The following CYB5R4 variants were observed in gnomAD, a reference collection of about 807,000 sequenced individuals.
CYB5R4 encodes cytochrome b5 reductase 4.
In CYB5R4, 55 loss-of-function variants were observed where a neutral mutation model predicts 70.2. The observed-to-expected ratio is 0.78, with a 90% CI of 0.63 to 0.98. The LOEUF (loss-of-function observed/expected upper bound fraction) is 0.98. Ranked by LOEUF, CYB5R4 falls within the 50% of genes least tolerant of loss-of-function variation. CYB5R4 has a pLI of 0.00. For synonymous variants in CYB5R4, 197 were observed against 199.5 expected, an observed-to-expected ratio of 0.99 and a Z score of 0.11; for missense variants, 562 against 612.6, an observed-to-expected ratio of 0.92 and a Z score of 0.87.
In CYB5R4 at chr6:83,922,441, T is replaced by C; in HGVS notation, c.662T>C (p.Leu221Pro). The C allele has an allele frequency of 6.2e-7, 1 of 1,613,294 alleles. No homozygotes were observed. Among genetic ancestry groups the C allele is most frequent in the Non-Finnish European group, 8.5e-7 (1 of 1,179,542 alleles). Reference sequence around the variant, plus strand: ...TAAATAAATTTGTCTGTCCTAGGGCTAAGCCATGAGGTTCAGGAAGATTTT... The same window carrying C: ...TAAATAAATTTGTCTGTCCTAGGGCCAAGCCATGAGGTTCAGGAAGATTTT... ...KDCLYLIHIG[L>P]SHEVQEDFSV... The change falls in exon 9 of 16, where the codon CTA becomes CCA. Residue 221 changes from leucine to proline, a missense_variant. Physicochemically the swap from Leu to Pro is moderately conservative, Grantham distance 98. Transcript: ENST00000369681.
chr6:83,918,314 AT>A (rs2099465823), intron 6 of CYB5R4, among the ~76,000 whole-genome samples: 1 of 152,040 alleles, frequency 6.6e-6, no homozygotes, highest in South Asian at 2.1e-4. Flanking sequence ...ATTCTAAAAT[AT>A]TTTTCTGATT....
At chr6:83,955,203 G>C in intron 14 of CYB5R4, 95 bp from the exon 15 acceptor site, 1 of 1,002,288 alleles carries the variant, frequency 1.0e-6, no homozygotes, top group Non-Finnish European at 1.4e-6. Context: ...ATATTAAATT[G>C]TTCCTTTAGG....
At chr6:83,924,660 C>G in intron 10 of CYB5R4, 68 bp downstream of exon 10, 6 of 1,541,562 alleles carry the variant, frequency 3.9e-6, no homozygotes, top group Non-Finnish European at 5.3e-6. Flanking sequence ...ACAGTTGTAC[C>G]AGAGTTTGGA....
chr6:83,924,671 A>C, intron 10 of CYB5R4, 79 bp downstream of exon 10: 2 of 1,493,796 alleles, frequency 1.3e-6, no homozygotes, highest in Non-Finnish European at 1.8e-6. Context: ...AGAGTTTGGA[A>C]GGCTGCTTTG....
At chr6:83,869,128 G>A (rs1360379645) in intron 2 of CYB5R4, among the ~76,000 whole-genome samples, 1 of 152,168 alleles carries the variant, frequency 6.6e-6, no homozygotes, top group Non-Finnish European at 1.5e-5. Flanking sequence ...TGATGCCACT[G>A]CAAAAGTGGC....
At chr6:83,899,026 C>A (rs571529385) in intron 3 of CYB5R4, among the ~76,000 whole-genome samples, 1 of 152,112 alleles carries the variant, frequency 6.6e-6, no homozygotes, top group South Asian at 2.1e-4. Flanking sequence ...TGAGAGAGGG[C>A]GTCCCTGTGT....
intron 10 of CYB5R4, among the ~76,000 whole-genome samples, chr6:83,931,623 G>C (rs12194815): frequency 1.1e-4 from 17 of 151,768 alleles, no homozygotes; most frequent in Non-Finnish European, 2.5e-4. Context: ...AGGTATTTGG[G>C]GCAGTAATGT....
intron 3 of CYB5R4, among the ~76,000 whole-genome samples, chr6:83,908,112 C>G (rs1160656947): frequency 6.6e-6 from 1 of 152,088 alleles, no homozygotes; most frequent in East Asian, 1.9e-4. Flanking sequence ...TATAAACATC[C>G]TCTTTTCTCC....
intron 2 of CYB5R4, among the ~76,000 whole-genome samples, chr6:83,882,128 T>C (rs1461418310): frequency 6.6e-6 from 1 of 152,200 alleles, no homozygotes; most frequent in Non-Finnish European, 1.5e-5. Context: ...AGATGACTGG[T>C]GAACAGTCAT....
rs1005111293 is a variant in CYB5R4 at position 83,965,366 on chromosome 6, G to A, written c.*5488G>A. 2 of 152,208 alleles carry A rather than the reference G, an allele frequency of 1.3e-5. No individual in the cohort carries two copies. The highest frequency in any genetic ancestry group is 1.3e-4 in the Admixed American group (2 of 15,288). 9.4% of individuals were successfully genotyped at this position (152,208 alleles called of 1,614,324 possible). A position where few individuals can be genotyped will look rare whatever the true frequency, so the allele number is the denominator to read the frequency against. On this transcript the variant is annotated 3_prime_UTR_variant, in exon 16 of 16. Transcript: ENST00000369681. ...TCAGCGTGACCTGGATGTGAGACCT[G>A]GAGTAAAAGGAGATCATTTTGGAGC...
rs1223279247 is a variant in CYB5R4 at position 83,960,199 on chromosome 6, T to C, written c.*321T>C. 5.0e-6 allele frequency: 1 copy of C among 198,664 alleles called. No individual in the cohort carries two copies. Among genetic ancestry groups the C allele is most frequent in the Non-Finnish European group, 1.0e-5 (1 of 99,228 alleles). The allele number at this position is 198,664 out of a possible 1,614,324, so 12.3% of individuals were successfully genotyped here. ...CAATAAGCACTTGTGTTTTATGACA[T>C]GATAAAGTAAATGATCACTTCGATC... On this transcript the variant is annotated 3_prime_UTR_variant, in exon 16 of 16. Transcript: ENST00000369681.
intron 2 of CYB5R4, among the ~76,000 whole-genome samples, chr6:83,876,869 C>G (rs2099458639): frequency 1.3e-5 from 2 of 151,978 alleles, no homozygotes; most frequent in South Asian, 4.1e-4. Flanking sequence ...GAGTCTTGCT[C>G]TGTCACCAGG....
chr6:83,939,821 A>T (rs772952134), intron 12 of CYB5R4, among the ~76,000 whole-genome samples: 31 of 152,240 alleles, frequency 2.0e-4, no homozygotes, highest in Admixed American at 6.5e-5. Context: ...ATAAAACCTC[A>T]TTATTAATTT....
intron 2 of CYB5R4, among the ~76,000 whole-genome samples, chr6:83,869,780 A>G (rs1588558655): frequency 6.6e-6 from 1 of 151,726 alleles, no homozygotes; most frequent in South Asian, 2.1e-4. Context: ...CCGAGATCAC[A>G]CCATTGCACT....
intron 6 of CYB5R4, 27 bp from the exon 7 acceptor site, chr6:83,919,370 A>G (rs746645217): frequency 1.6e-6 from 2 of 1,278,722 alleles, no homozygotes; most frequent in Non-Finnish European, 2.2e-6. Flanking sequence ...CAATATAATT[A>G]TTCATCCTTT....
intron 14 of CYB5R4, among the ~76,000 whole-genome samples, chr6:83,952,204 A>G (rs2099471665): frequency 6.6e-6 from 1 of 152,174 alleles, no homozygotes; most frequent in African/African-American, 2.4e-5. Context: ...CACCAATAGA[A>G]GATAGAAGAC....
chr6:83,926,992 G>A (rs963636863), intron 10 of CYB5R4, among the ~76,000 whole-genome samples: 2 of 151,950 alleles, frequency 1.3e-5, no homozygotes, highest in Non-Finnish European at 2.9e-5. Flanking sequence ...ATCTGTCTTG[G>A]GTCTGTTGAG....
At chr6:83,920,213 A>C (rs2099466160) in intron 7 of CYB5R4, among the ~76,000 whole-genome samples, 1 of 152,204 alleles carries the variant, frequency 6.6e-6, no homozygotes, top group South Asian at 2.1e-4. Flanking sequence ...TGTAGATTTA[A>C]AGACAAGCTC....
intron 5 of CYB5R4, among the ~76,000 whole-genome samples, chr6:83,915,250 T>C (rs1394671627): frequency 1.3e-5 from 2 of 152,230 alleles, no homozygotes; most frequent in Non-Finnish European, 2.9e-5. Flanking sequence ...GACTGAACTA[T>C]ATTGATGTAC....
Sources: gnomAD v4.1 joint callset for allele counts (sites outside exome capture counted in the v4.1 genomes callset) on GRCh38, gnomAD v4.1.1 for gene constraint, MANE v1.5 for transcripts, NCBI Gene and HGNC (gene_info 2026-07-23, HGNC 2026-07-21) for gene names.